Variants in CHST8 observed in about 807,000 individuals in gnomAD.
CHST8 encodes the protein GALNAC-4-ST1.
In CHST8, 10 loss-of-function variants were observed where a neutral mutation model predicts 15.0. That is an observed-to-expected ratio of 0.67 (90% confidence interval 0.41 to 1.13). The LOEUF (loss-of-function observed/expected upper bound fraction) is 1.13. Among genes scored for constraint, CHST8 ranks in the 50% most tolerant of loss-of-function variants. CHST8 has a pLI of 0.00. For synonymous variants in CHST8, 259 were observed against 256.6 expected (o/e 1.01, Z -0.09); for missense variants, 634 against 608.2 (o/e 1.04, Z -0.45).
chr19:33,652,853 C>A (rs1310268501), intron 1 of CHST8, among the ~76,000 whole-genome samples: 4 of 152,024 alleles, frequency 2.6e-5, no homozygotes, highest in Non-Finnish European at 5.9e-5. Flanking sequence ...CCAGTGTTTA[C>A]CTTTATGTTG....
At chr19:33,736,635 G>A (rs1409644721) in intron 3 of CHST8, among the ~76,000 whole-genome samples, 1 of 151,850 alleles carries the variant, frequency 6.6e-6, no homozygotes, top group African/African-American at 2.4e-5. Context: ...ATAAGGGGAG[G>A]TCTCATGTGT....
intron 3 of CHST8, among the ~76,000 whole-genome samples, chr19:33,757,765 ACATGGGAG>A (rs1974633260): frequency 6.6e-6 from 1 of 151,836 alleles, no homozygotes; most frequent in African/African-American, 2.4e-5. Flanking sequence ...CCCAGACTCA[ACATGGGAG>A]CTCAAACTCC....
At chr19:33,654,524 A>G (rs966173982) in intron 1 of CHST8, among the ~76,000 whole-genome samples, 1 of 152,088 alleles carries the variant, frequency 6.6e-6, no homozygotes, top group Non-Finnish European at 1.5e-5. Context: ...GAACATTTCA[A>G]AAATTGTTTC....
intron 2 of CHST8, among the ~76,000 whole-genome samples, chr19:33,669,238 C>A (rs1056646707): frequency 3.3e-5 from 5 of 152,182 alleles, no homozygotes; most frequent in Admixed American, 2.6e-4. Context: ...CCACAGAGTT[C>A]ACATTGTCAC....
intron 3 of CHST8, among the ~76,000 whole-genome samples, chr19:33,731,041 T>C (rs532594692): frequency 1.3e-3 from 197 of 152,342 alleles, no homozygotes; most frequent in Middle Eastern, 3.4e-3. Context: ...CCCACCCAGA[T>C]TGAGGGTGTG....
chr19:33,639,365 C>A (rs1749009451), intron 1 of CHST8, among the ~76,000 whole-genome samples: 1 of 152,102 alleles, frequency 6.6e-6, no homozygotes, highest in Non-Finnish European at 1.5e-5. Flanking sequence ...CTGTCTGGAG[C>A]CCAGGGGCAG....
chr19:33,712,734 C>A (rs1973580958), intron 3 of CHST8, among the ~76,000 whole-genome samples: 1 of 152,158 alleles, frequency 6.6e-6, no homozygotes, highest in Non-Finnish European at 1.5e-5. Flanking sequence ...CTCCCTCTAT[C>A]CTGAGTAGGG....
chr19:33,683,520 A>C (rs1972925766), intron 2 of CHST8, among the ~76,000 whole-genome samples: 1 of 152,046 alleles, frequency 6.6e-6, no homozygotes, highest in African/African-American at 2.4e-5. Flanking sequence ...CTGTCATAGG[A>C]TTGGGCTACT....
rs1568365631 is a variant in CHST8 at position 33,772,076 on chromosome 19, AC to A, written c.293del (p.Pro98ArgfsTer62). ...RNLPAPDQPQPPLQRGTRLRL... is the reference protein window; with the variant it reads ...RNLPAPDQPQXPLQRGTRLRL... ...ACCTGCCAGCGCCTGACCAGCCTCA[AC>A]CCCCGCTGCAGAGGGGAACCCGTCT... On this transcript the variant is annotated frameshift_variant, in exon 5 of 5. Coordinates refer to ENST00000650847, the MANE Select transcript of CHST8 (RefSeq NM_001127895.2). LOFTEE classifies it low-confidence loss of function (END_TRUNC). 1.9e-6 allele frequency: 3 copies of A among 1,612,062 alleles called. No individual in the cohort carries two copies.
chr19:33,684,427 C>A (rs1210819642), intron 2 of CHST8: 2 of 152,404 alleles, frequency 1.3e-5, no homozygotes, highest in Non-Finnish European at 2.9e-5. Context: ...GGGCAGGAGG[C>A]AGCCTGAGAG....
intron 2 of CHST8, among the ~76,000 whole-genome samples, chr19:33,680,631 T>C (rs915367814): frequency 6.6e-6 from 1 of 152,248 alleles, no homozygotes; most frequent in Non-Finnish European, 1.5e-5. Context: ...TCCAAATCGA[T>C]ATTAATAATT....
chr19:33,712,554 G>C (rs1169348396), intron 3 of CHST8, among the ~76,000 whole-genome samples: 4 of 152,170 alleles, frequency 2.6e-5, no homozygotes, highest in Non-Finnish European at 5.9e-5. Flanking sequence ...AGGTCATTTG[G>C]CTGGGGGACT....
rs113238844 is a variant in CHST8, at chr19:33,716,808, A to G, written c.130+27417A>G. 2.1e-3 allele frequency among the ~76,000 whole-genome samples: 322 copies of G among 152,302 alleles called. 1 individual carries two copies. The highest frequency in any genetic ancestry group is 7.4e-3 in the African/African-American group (306 of 41,564). On this transcript the variant is annotated intron_variant, in intron 3 of 4. Coordinates refer to ENST00000650847, the MANE Select transcript of CHST8 (RefSeq NM_001127895.2). ...AAGTATTATGGACTAAGTGGCTTAAACAACAGAAATGTGTTTTTTCACAGT... is the reference window on the plus strand; with the variant it reads ...AAGTATTATGGACTAAGTGGCTTAAGCAACAGAAATGTGTTTTTTCACAGT...
chr19:33,626,118 G>C (rs772638748), intron 1 of CHST8, among the ~76,000 whole-genome samples: 1 of 152,130 alleles, frequency 6.6e-6, no homozygotes, highest in African/African-American at 2.4e-5. Flanking sequence ...CAGAGGATGC[G>C]GCAGACGCCA....
intron 2 of CHST8, among the ~76,000 whole-genome samples, chr19:33,684,018 T>C (rs746197978): frequency 1.6e-4 from 24 of 152,318 alleles, no homozygotes; most frequent in Non-Finnish European, 3.1e-4. Flanking sequence ...AGAGATAGTG[T>C]CCAGGGTGTG....
chr19:33,700,306 A>G (rs952711173), intron 3 of CHST8, among the ~76,000 whole-genome samples: 15 of 152,234 alleles, frequency 9.9e-5, no homozygotes, highest in Non-Finnish European at 4.4e-5. Context: ...ATGTAATTGC[A>G]GTGATCCATC....
At chr19:33,740,340 T>C (rs1974162308) in intron 3 of CHST8, among the ~76,000 whole-genome samples, 1 of 152,202 alleles carries the variant, frequency 6.6e-6, no homozygotes, top group Non-Finnish European at 1.5e-5. Context: ...AACCGTGTCA[T>C]GGAAACCACA....
chr19:33,668,670 TG>T (rs1218053958), intron 2 of CHST8, among the ~76,000 whole-genome samples: 1 of 151,998 alleles, frequency 6.6e-6, no homozygotes, highest in Admixed American at 6.5e-5. Context: ...GCTTTTTTTG[TG>T]GGGGGCTTCA....
chr19:33,739,280 T>G (rs181228799), intron 3 of CHST8, among the ~76,000 whole-genome samples: 103 of 152,110 alleles, frequency 6.8e-4, no homozygotes, highest in African/African-American at 2.4e-3. Flanking sequence ...CTCCACAAGA[T>G]GAAGTGTTAA....
Sources: allele counts gnomAD v4.1 joint callset (sites outside exome capture counted in the v4.1 genomes callset), GRCh38; gene constraint gnomAD v4.1.1; transcripts MANE v1.5; gene names NCBI Gene and HGNC (gene_info 2026-07-23, HGNC 2026-07-21).